The following SPOCK3 variants were observed in gnomAD, a reference collection of about 807,000 sequenced individuals.
SPOCK3 encodes the protein testican-3.
A neutral mutation model predicts 56.6 loss-of-function variants in SPOCK3; 30 were observed. The observed-to-expected ratio is 0.53, with a 90% CI of 0.40 to 0.72. SPOCK3 has a LOEUF of 0.72. SPOCK3 is among the 30% of genes least tolerant of loss of function. The pLI is 0.00. For synonymous variants in SPOCK3, 196 were observed against 183.3 expected (o/e 1.07, Z -0.56); for missense variants, 527 against 530.0 (o/e 0.99, Z 0.06).
At chr4:166,893,013 C>T (rs1331668100) in intron 5 of SPOCK3, among the ~76,000 whole-genome samples, 1 of 152,056 alleles carries the variant, frequency 6.6e-6, no homozygotes, top group Admixed American at 6.6e-5. Context: ...GATAATTTCA[C>T]TCCCCCCTCA....
intron 6 of SPOCK3, among the ~76,000 whole-genome samples, chr4:166,807,853 A>C (rs545576223): frequency 3.2e-4 from 49 of 152,128 alleles, no homozygotes; most frequent in African/African-American, 1.2e-3. Context: ...TCTGCTCCTA[A>C]ATTTTCTTTC....
At chr4:167,017,298 T>C (rs1333621404) in intron 3 of SPOCK3, among the ~76,000 whole-genome samples, 1 of 152,048 alleles carries the variant, frequency 6.6e-6, no homozygotes, top group Non-Finnish European at 1.5e-5. Flanking sequence ...GTCTCAGACA[T>C]GAACATATCT....
At position 167,037,460 on chromosome 4, in the gene SPOCK3, C is replaced by T. The variant is rs187427110; in HGVS notation, c.235+25032G>A. Among the ~76,000 whole-genome samples, 4 of 146,746 alleles carry T rather than the reference C, an allele frequency of 2.7e-5. No homozygotes were observed. The Admixed American group carries it at 2.8e-4, about 10-fold the overall frequency. On this transcript the variant is annotated intron_variant, in intron 3 of 10. Coordinates refer to ENST00000357545, the MANE Select transcript of SPOCK3 (RefSeq NM_001040159.2). ...TTGCACCACTGCACTCCGGCCTGGG[C>T]GACAGAGCCAGACTTCATCTCAAAA...
At chr4:166,785,892 T>C (rs188129845) in intron 7 of SPOCK3, among the ~76,000 whole-genome samples, 1 of 152,278 alleles carries the variant, frequency 6.6e-6, no homozygotes, top group Non-Finnish European at 1.5e-5. Flanking sequence ...TTTTGGTTTG[T>C]TCGTTCAACA....
intron 2 of SPOCK3, among the ~76,000 whole-genome samples, chr4:167,074,650 G>GAGTC (rs1363162761): frequency 6.6e-6 from 1 of 151,874 alleles, no homozygotes; most frequent in East Asian, 2.0e-4. Context: ...TTGGAGAAGT[G>GAGTC]AGTCACTAGC....
At chr4:166,930,918 G>A (rs1739668528) in intron 4 of SPOCK3, among the ~76,000 whole-genome samples, 1 of 152,002 alleles carries the variant, frequency 6.6e-6, no homozygotes, top group East Asian at 1.9e-4. Context: ...CGGGTAAGTG[G>A]GCTATTTTAG....
At chr4:166,763,778 A>G (rs4602517) in intron 7 of SPOCK3, among the ~76,000 whole-genome samples, 50,151 of 151,952 alleles carry the variant, frequency 0.33, 8,441 homozygotes, top group Admixed American at 0.42. Flanking sequence ...AGCAAACACC[A>G]AAAAGTAAAA....
chr4:166,907,672 T>C (rs954411813), intron 5 of SPOCK3, among the ~76,000 whole-genome samples: 2 of 152,084 alleles, frequency 1.3e-5, no homozygotes, highest in Non-Finnish European at 2.9e-5. Flanking sequence ...TCCTCAAATA[T>C]AGAGGTTTAC....
intron 3 of SPOCK3, among the ~76,000 whole-genome samples, chr4:167,018,908 T>C (rs116316718): frequency 0.012 from 1,776 of 152,188 alleles, 38 homozygotes; most frequent in African/African-American, 0.04. Flanking sequence ...GCAATTTCCA[T>C]TGATATTTAT....
intron 2 of SPOCK3, among the ~76,000 whole-genome samples, chr4:167,156,092 T>C (rs533405124): frequency 9.8e-5 from 15 of 152,320 alleles, no homozygotes; most frequent in African/African-American, 3.4e-4. Context: ...TTAATACAAT[T>C]CAAAATAGTA....
intron 2 of SPOCK3, among the ~76,000 whole-genome samples, chr4:167,154,944 G>C (rs977880931): frequency 2.0e-5 from 3 of 152,074 alleles, no homozygotes; most frequent in Admixed American, 2.0e-4. Flanking sequence ...GTGATGATGA[G>C]AGGAAAAACA....
At chr4:167,044,673 A>T (rs10008443) in intron 3 of SPOCK3, among the ~76,000 whole-genome samples, 2,208 of 152,124 alleles carry the variant, frequency 0.015, 54 homozygotes, top group African/African-American at 0.05. Flanking sequence ...TCTTTGACAC[A>T]TGTGATATCT....
In SPOCK3 at chr4:167,109,127, T is replaced by TATATAAA. The variant is rs1253630622; in HGVS notation, c.190-46591_190-46590insTTTATAT. On this transcript the variant is annotated intron_variant, in intron 2 of 10. Transcript: ENST00000357545. ...ATTTATATAAAAATATATATAAATA[T>TATATAAA]TATATATTTATATAAAAATATATAT... Among the ~76,000 whole-genome samples the TATATAAA allele has an allele frequency of 5.7e-3, 4 of 696 alleles. 1 individual carries two copies. The highest frequency in any genetic ancestry group is 8.2e-3 in the Non-Finnish European group (4 of 488). The allele number at this position is 696 out of a possible 152,430, so 0.5% of individuals were successfully genotyped here. A position where few individuals can be genotyped will look rare whatever the true frequency, so the allele number is the denominator to read the frequency against.
At chr4:166,743,243 C>T (rs1240240417) in intron 8 of SPOCK3, among the ~76,000 whole-genome samples, 1 of 151,930 alleles carries the variant, frequency 6.6e-6, no homozygotes, top group East Asian at 1.9e-4. Flanking sequence ...AAATAATATA[C>T]TATATCTTAT....
intron 6 of SPOCK3, among the ~76,000 whole-genome samples, chr4:166,878,465 T>C (rs1001643778): frequency 6.6e-6 from 1 of 151,782 alleles, no homozygotes; most frequent in African/African-American, 2.4e-5. Context: ...ATTTTTAAAA[T>C]TTTTAAAATG....
chr4:166,754,367 T>C (rs1255572636), intron 8 of SPOCK3, 141 bp downstream of exon 8: 1 of 1,394,594 alleles, frequency 7.2e-7, no homozygotes. Context: ...ATGCTTCTTA[T>C]TTGCTCTTTT....
At chr4:167,048,747 G>A (rs1033206771) in intron 3 of SPOCK3, among the ~76,000 whole-genome samples, 4 of 151,892 alleles carry the variant, frequency 2.6e-5, no homozygotes, top group African/African-American at 9.7e-5. Context: ...AATACAACTG[G>A]GATTGAAGAA....
At chr4:167,109,222 T>C (rs1256150726) in intron 2 of SPOCK3, among the ~76,000 whole-genome samples, 1 of 87,512 alleles carries the variant, frequency 1.1e-5, no homozygotes, top group African/African-American at 4.6e-5. Context: ...TTATATATAG[T>C]ATATAATATA....
At chr4:166,780,566 A>G (rs879082465) in intron 7 of SPOCK3, among the ~76,000 whole-genome samples, 2 of 152,112 alleles carry the variant, frequency 1.3e-5, no homozygotes, top group Admixed American at 1.3e-4. Flanking sequence ...ATATCCTGTC[A>G]CTCTCTAGAT....
Sources: allele counts gnomAD v4.1 joint callset (sites outside exome capture counted in the v4.1 genomes callset), GRCh38; gene constraint gnomAD v4.1.1; transcripts MANE v1.5; gene names NCBI Gene and HGNC (gene_info 2026-07-23, HGNC 2026-07-21).